CALD1: variants seen among roughly 807,000 people sequenced by gnomAD.
CALD1 encodes caldesmon.
Under a neutral mutation model 99.9 loss-of-function variants are expected in CALD1, and 33 were observed. The observed-to-expected ratio is 0.33, with a 90% CI of 0.25 to 0.44. The LOEUF is 0.44. Among genes scored for constraint, CALD1 ranks in the 20% least tolerant of loss-of-function variants. The pLI is 1.00. For synonymous variants in CALD1, 310 were observed against 325.0 expected (o/e 0.95, Z 0.50); for missense variants, 861 against 962.1 (o/e 0.89, Z 1.39).
In CALD1 at chr7:134,950,490, C is replaced by T; in HGVS notation, c.1911C>T (p.Phe637=). 2 of 1,614,056 alleles carry T rather than the reference C, an allele frequency of 1.2e-6. No individual in the cohort carries two copies. Among genetic ancestry groups the T allele is most frequent in the South Asian group, 1.1e-5 (1 of 91,078 alleles). ...ATGACAAGAAACCATTCAAGTGTTTCACTCCTAAAGGTTCATCTCTCAAGG... is the reference window on the plus strand; with the variant it reads ...ATGACAAGAAACCATTCAAGTGTTTTACTCCTAAAGGTTCATCTCTCAAGG... ...LSDDKKPFKC[F]TPKGSSLKIE... is the part of the protein sequence containing the mutation. Residue 637 remains phenylalanine (F), a synonymous_variant, in exon 9 of 15, where the codon TTC becomes TTT. Transcript: ENST00000361675.
At chr7:134,773,237 C>T (rs1188865243) in intron 1 of CALD1, among the ~76,000 whole-genome samples, 1 of 147,538 alleles carries the variant, frequency 6.8e-6, no homozygotes, top group Non-Finnish European at 1.5e-5. Flanking sequence ...TCTATTCCAG[C>T]TTGCCTTCTT....
intron 2 of CALD1, among the ~76,000 whole-genome samples, chr7:134,856,726 T>G (rs1427923614): frequency 6.6e-6 from 1 of 152,196 alleles, no homozygotes; most frequent in Non-Finnish European, 1.5e-5. Flanking sequence ...AAGACCAAGT[T>G]CTTTTCCACT....
intron 9 of CALD1, among the ~76,000 whole-genome samples, chr7:134,953,786 C>A (rs1009911806): frequency 6.6e-6 from 1 of 151,596 alleles, no homozygotes; most frequent in African/African-American, 2.4e-5. Context: ...ATGCTGGCTT[C>A]CCATTTCATC....
At chr7:134,946,662 T>G (rs528243908) in intron 7 of CALD1, among the ~76,000 whole-genome samples, 7 of 151,874 alleles carry the variant, frequency 4.6e-5, no homozygotes, top group African/African-American at 1.4e-4. Context: ...GGTAACAAGA[T>G]CTCCTTCCTT....
chr7:134,961,918 T>G (rs1808294284), intron 13 of CALD1: 2 of 152,076 alleles, frequency 1.3e-5, no homozygotes, highest in South Asian at 4.2e-4. Context: ...CAGTGATTAT[T>G]AACCCTTTTT....
At chr7:134,782,250 G>T (rs1274580032) in intron 1 of CALD1, among the ~76,000 whole-genome samples, 1 of 152,164 alleles carries the variant, frequency 6.6e-6, no homozygotes, top group Non-Finnish European at 1.5e-5. Context: ...AAATGTGGTC[G>T]GGGGACAGGA....
At chr7:134,876,884 A>T (rs959704681) in intron 3 of CALD1, among the ~76,000 whole-genome samples, 1 of 152,124 alleles carries the variant, frequency 6.6e-6, no homozygotes, top group African/African-American at 2.4e-5. Context: ...ATCTTTGGGG[A>T]GGATGGGACA....
intron 1 of CALD1, among the ~76,000 whole-genome samples, chr7:134,812,567 C>T (rs1798392498): frequency 6.8e-6 from 1 of 147,024 alleles, no homozygotes; most frequent in Admixed American, 6.8e-5. Flanking sequence ...ACCAGCGCAC[C>T]ACTGGAAAGA....
At chr7:134,824,031 A>T (rs541179467) in intron 1 of CALD1, among the ~76,000 whole-genome samples, 1 of 152,160 alleles carries the variant, frequency 6.6e-6, no homozygotes, top group Non-Finnish European at 1.5e-5. Context: ...TTTAGATGTC[A>T]TGAAAGTAGA....
At position 134,919,684 on chromosome 7, in the gene CALD1, T is replaced by C. The variant is rs953162882; in HGVS notation, c.72-9070T>C. Among the ~76,000 whole-genome samples, 3 of 152,194 alleles carry C rather than the reference T, an allele frequency of 2.0e-5. No individual in the cohort carries two copies. The East Asian group carries it at 5.8e-4, about 29-fold the overall frequency. ...ATGAAGTGGGAAATGCTTTGCTTCC[T>C]TAGTAACTTTCTTCCAAGTAATATA... On this transcript the variant is annotated intron_variant, in intron 3 of 14. Coordinates refer to ENST00000361675, the MANE Select transcript of CALD1 (RefSeq NM_033138.4).
At chr7:134,804,474 C>T (rs1798061245) in intron 1 of CALD1, among the ~76,000 whole-genome samples, 1 of 152,218 alleles carries the variant, frequency 6.6e-6, no homozygotes, top group Admixed American at 6.5e-5. Context: ...GTTTGGTGCA[C>T]AGCTTGCTGT....
At chr7:134,771,781 C>A (rs986284501) in intron 1 of CALD1, among the ~76,000 whole-genome samples, 1 of 152,176 alleles carries the variant, frequency 6.6e-6, no homozygotes, top group Non-Finnish European at 1.5e-5. Context: ...ATTTAATATG[C>A]ACTTGCTGTC....
intron 7 of CALD1, among the ~76,000 whole-genome samples, chr7:134,947,205 C>T (rs1041631511): frequency 1.3e-5 from 2 of 152,158 alleles, no homozygotes; most frequent in Non-Finnish European, 2.9e-5. Context: ...CGTGGTAGTT[C>T]TCTTGTTGAT....
At chr7:134,838,745 T>C (rs1006100889) in intron 1 of CALD1, among the ~76,000 whole-genome samples, 2 of 152,240 alleles carry the variant, frequency 1.3e-5, no homozygotes, top group African/African-American at 2.4e-5. Flanking sequence ...TATTATCTTA[T>C]TGTTTTCTCT....
chr7:134,947,530 G>T lies in CALD1; in HGVS notation c.1555G>T (p.Val519Leu). ...CAGCCGCCCTGGAGGGAGGGCCAGCGTGGACACCAAGGAGGCTGAGGGCGC... is the reference window on the plus strand; with the variant it reads ...CAGCCGCCCTGGAGGGAGGGCCAGCTTGGACACCAAGGAGGCTGAGGGCGC... The part of the protein sequence containing the change: ...TFSRPGGRAS[V>L]DTKEAEGAPQ... Residue 519 changes from valine to leucine, a missense_variant, in exon 8 of 15, where the codon GTG becomes TTG. By Grantham distance (32) the Val-to-Leu change is conservative. Coordinates refer to ENST00000361675, the MANE Select transcript of CALD1 (RefSeq NM_033138.4). The T allele has an allele frequency of 6.4e-7, 1 of 1,568,676 alleles. No individual in the cohort carries two copies. Among genetic ancestry groups the T allele is most frequent in the Middle Eastern group, 1.8e-4 (1 of 5,674 alleles).
At chr7:134,889,110 G>A (rs1802021003) in intron 3 of CALD1, among the ~76,000 whole-genome samples, 1 of 152,180 alleles carries the variant, frequency 6.6e-6, no homozygotes, top group Non-Finnish European at 1.5e-5. Context: ...GCATGGCTGC[G>A]ACAAATAACT....
intron 8 of CALD1, among the ~76,000 whole-genome samples, chr7:134,949,264 C>T (rs1807148772): frequency 6.6e-6 from 1 of 152,110 alleles, no homozygotes; most frequent in African/African-American, 2.4e-5. Context: ...GGCTAAACTA[C>T]CAAACACAGG....
intron 1 of CALD1, among the ~76,000 whole-genome samples, chr7:134,836,838 AATC>A (rs1456921730): frequency 2.0e-5 from 3 of 152,212 alleles, no homozygotes; most frequent in Non-Finnish European, 4.4e-5. Context: ...TCCAATCAGA[AATC>A]ATCTTGCCTG....
chr7:134,921,550 G>A (rs1804621033), intron 3 of CALD1, among the ~76,000 whole-genome samples: 2 of 152,146 alleles, frequency 1.3e-5, no homozygotes, highest in South Asian at 2.1e-4. Context: ...GGTGGTTTAC[G>A]CCTGTAATCC....
Sources: gnomAD v4.1 joint callset for allele counts (sites outside exome capture counted in the v4.1 genomes callset) on GRCh38, gnomAD v4.1.1 for gene constraint, MANE v1.5 for transcripts, NCBI Gene and HGNC (gene_info 2026-07-23, HGNC 2026-07-21) for gene names.